Variants in ANO2 observed in about 807,000 individuals in gnomAD.
ANO2 encodes the protein anoctamin 2.
ANO2 carries 101 observed loss-of-function variants against 124.2 expected under a neutral mutation model. That is an observed-to-expected ratio of 0.81 (90% confidence interval 0.69 to 0.96). The LOEUF (loss-of-function observed/expected upper bound fraction) is 0.96. Among genes scored for constraint, ANO2 ranks in the 40% least tolerant of loss-of-function variants. ANO2 has a pLI of 0.00. For missense variants in ANO2, 1,293 were observed against 1,274.5 expected, an observed-to-expected ratio of 1.01 and a Z score of -0.22; for synonymous variants, 486 against 482.5, an observed-to-expected ratio of 1.01 and a Z score of -0.09.
chr12:5,583,462 G>A (rs558849257), intron 20 of ANO2, among the ~76,000 whole-genome samples: 2 of 151,730 alleles, frequency 1.3e-5, no homozygotes, highest in Non-Finnish European at 2.9e-5. Flanking sequence ...GACCATCTTG[G>A]CTAACACGGT....
At chr12:5,634,525 A>G (rs1945902185) in intron 16 of ANO2, among the ~76,000 whole-genome samples, 1 of 152,196 alleles carries the variant, frequency 6.6e-6, no homozygotes, top group Non-Finnish European at 1.5e-5. Flanking sequence ...ATAAGCATGA[A>G]TGCCAAATGC....
chr12:5,715,801 C>A (rs78512926), intron 14 of ANO2, among the ~76,000 whole-genome samples: 28 of 152,328 alleles, frequency 1.8e-4, no homozygotes, highest in African/African-American at 6.7e-4. Flanking sequence ...GAATAAAGAT[C>A]TTGAGCTTCT....
In ANO2 at chr12:5,827,774, G is replaced by C; in HGVS notation, c.887C>G (p.Thr296Arg). The change falls in exon 7 of 25, where the codon ACG (threonine) becomes AGG (arginine). Residue 296 changes from threonine to arginine, a missense_variant. Physicochemically the swap from Thr to Arg is moderately conservative, Grantham distance 71. Transcript: ENST00000682330. ...CCGCGGGCTGGGGTCCTTACCCATC[G>C]TGTTGTTGGCTCGGGAGCAGGCTGT... ...KRTACSRANN[T>R]MGINSLIANN... The C allele has an allele frequency of 1.9e-6, 3 of 1,611,220 alleles. No homozygotes were observed. Among genetic ancestry groups the C allele is most frequent in the Non-Finnish European group, 2.5e-6 (3 of 1,178,896 alleles).
chr12:5,843,562 A>T (rs1203260384), intron 4 of ANO2, among the ~76,000 whole-genome samples: 1 of 152,136 alleles, frequency 6.6e-6, no homozygotes, highest in Non-Finnish European at 1.5e-5. Flanking sequence ...AAAAAAAATA[A>T]AATAAAATAA....
At position 5,695,309 on chromosome 12, in the gene ANO2, A is replaced by C. The variant is rs182006098; in HGVS notation, c.1545+37211T>G. Among the ~76,000 whole-genome samples the C allele has an allele frequency of 7.4e-5, 8 of 107,960 alleles. No homozygotes were observed. The East Asian group carries it at 2.7e-3, about 36-fold the overall frequency. The allele number at this position is 107,960 out of a possible 152,430, so 70.8% of individuals were successfully genotyped here. On this transcript the variant is annotated intron_variant, in intron 14 of 24. Coordinates refer to ENST00000682330, the MANE Select transcript of ANO2 (RefSeq NM_001364791.2). The stretch of plus-strand genomic sequence containing the variant: ...ATTTGACATTGATATGGAACGACTG[A>C]CTCACCAAGTTGAAAAGAATCTTTA...
At chr12:5,899,699 G>T (rs1302456428) in intron 3 of ANO2, among the ~76,000 whole-genome samples, 5 of 152,200 alleles carry the variant, frequency 3.3e-5, no homozygotes, top group African/African-American at 1.2e-4. Context: ...GGATGCAAAG[G>T]TCCCTCGGAT....
chr12:5,738,871 C>T (rs1051532335), intron 13 of ANO2, among the ~76,000 whole-genome samples: 2 of 152,202 alleles, frequency 1.3e-5, no homozygotes, highest in African/African-American at 4.8e-5. Context: ...GCTTATACCA[C>T]AGAGGTTTAG....
chr12:5,920,036 AATGGATGG>A (rs558209463), intron 3 of ANO2, among the ~76,000 whole-genome samples: 2,102 of 145,600 alleles, frequency 0.014, 20 homozygotes, highest in African/African-American at 0.025. Flanking sequence ...GGTGTGGATA[AATGGATGG>A]ATGGATGGAT....
chr12:5,812,338 A>G (rs1953421428), intron 7 of ANO2, among the ~76,000 whole-genome samples: 1 of 129,952 alleles, frequency 7.7e-6, no homozygotes, highest in South Asian at 2.9e-4. Flanking sequence ...GGAGGGAAGG[A>G]GGGAGGAAGG....
intron 10 of ANO2, among the ~76,000 whole-genome samples, chr12:5,789,605 C>A (rs1172785454): frequency 6.6e-6 from 1 of 152,212 alleles, no homozygotes; most frequent in African/African-American, 2.4e-5. Flanking sequence ...AGCCACCCAA[C>A]TGTCAACATC....
chr12:5,931,382 C>A lies in ANO2; in HGVS notation c.23-8578G>T, dbSNP rs1034712754. 2.0e-5 allele frequency among the ~76,000 whole-genome samples: 3 copies of A among 152,228 alleles called. No individual in the cohort carries two copies. In the East Asian group the frequency reaches 5.8e-4, roughly 29 times the overall value. On this transcript the variant is annotated intron_variant, in intron 1 of 24. Transcript: ENST00000682330. Reference sequence around the variant, plus strand: ...ACATCTCTGTTCATTCATTGCAGACCCATTTAACTTCCCACGTATTGTATA... The same window carrying A: ...ACATCTCTGTTCATTCATTGCAGACACATTTAACTTCCCACGTATTGTATA...
At chr12:5,755,818 G>A (rs578232156) in intron 10 of ANO2, among the ~76,000 whole-genome samples, 1 of 152,230 alleles carries the variant, frequency 6.6e-6, no homozygotes, top group African/African-American at 2.4e-5. Context: ...TCAATTTTAA[G>A]GTGACTCAGT....
intron 5 of ANO2, 39 bp downstream of exon 5, chr12:5,832,412 TC>T (rs1954180720): frequency 6.2e-7 from 1 of 1,611,414 alleles, no homozygotes; most frequent in African/African-American, 1.3e-5. Context: ...TTCCTTCCTA[TC>T]CCTTCCCACA....
At chr12:5,733,112 C>A (rs1950713268) in intron 13 of ANO2, 1 of 589,862 alleles carries the variant, frequency 1.7e-6, no homozygotes, top group Non-Finnish European at 3.0e-6. Context: ...TCCTTCCCTG[C>A]TCCATTATTC....
chr12:5,739,247 A>C, intron 13 of ANO2, 70 bp downstream of exon 13: 1 of 1,329,992 alleles, frequency 7.5e-7, no homozygotes, highest in Non-Finnish European at 1.1e-6. Context: ...CACTCAAGAG[A>C]GTCCATTTCC....
intron 14 of ANO2, among the ~76,000 whole-genome samples, chr12:5,712,911 T>C (rs887436353): frequency 2.0e-5 from 3 of 149,984 alleles, no homozygotes; most frequent in Non-Finnish European, 4.4e-5. Flanking sequence ...GAGTGGGAGG[T>C]GAAGTTGGAG....
intron 3 of ANO2, among the ~76,000 whole-genome samples, chr12:5,918,439 T>TC (rs1491419101): frequency 5.8e-4 from 18 of 30,986 alleles, no homozygotes; most frequent in Non-Finnish European, 1.3e-3. Flanking sequence ...AACTTGAATC[T>TC]TTTTTTTTTT....
chr12:5,736,172 AG>A (rs1209028213), intron 13 of ANO2, among the ~76,000 whole-genome samples: 2 of 152,200 alleles, frequency 1.3e-5, no homozygotes, highest in Non-Finnish European at 2.9e-5. Context: ...GCACTGGCCC[AG>A]GGGGGTGGGC....
chr12:5,744,039 G>A, intron 12 of ANO2, 118 bp downstream of exon 12: 1 of 1,226,684 alleles, frequency 8.2e-7, no homozygotes, highest in Non-Finnish European at 1.1e-6. Context: ...AATACTTCTT[G>A]TGATGGGAAG....
Sources: allele counts gnomAD v4.1 joint callset (sites outside exome capture counted in the v4.1 genomes callset), GRCh38; gene constraint gnomAD v4.1.1; transcripts MANE v1.5; gene names NCBI Gene and HGNC (gene_info 2026-07-23, HGNC 2026-07-21).